Variants in FAM13A observed in about 807,000 individuals in gnomAD.
FAM13A encodes the protein protein FAM13A.
In FAM13A, 76 loss-of-function variants were observed where a neutral mutation model predicts 129.6. The ratio of observed to expected loss-of-function variants is 0.59; its 90% CI spans 0.49 to 0.71. FAM13A has a LOEUF of 0.71. Ranked by LOEUF, FAM13A falls within the 30% of genes least tolerant of loss-of-function variation. The pLI is 0.00. For synonymous variants in FAM13A, 443 were observed against 449.9 expected, an observed-to-expected ratio of 0.98 and a Z score of 0.20; for missense variants, 1,108 against 1,249.3, an observed-to-expected ratio of 0.89 and a Z score of 1.70.
chr4:88,910,057 T>C (rs1748831648), intron 5 of FAM13A, among the ~76,000 whole-genome samples: 1 of 152,316 alleles, frequency 6.6e-6, no homozygotes, highest in African/African-American at 2.4e-5. Flanking sequence ...AAGTGTTAAA[T>C]TGTATGTAGG....
chr4:88,932,381 C>A (rs1579344093), intron 5 of FAM13A, among the ~76,000 whole-genome samples: 1 of 152,102 alleles, frequency 6.6e-6, no homozygotes, highest in African/African-American at 2.4e-5. Context: ...TAGCATAAAG[C>A]CCTATTCTCC....
chr4:88,929,479 T>A (rs1752715109), intron 5 of FAM13A, among the ~76,000 whole-genome samples: 1 of 141,288 alleles, frequency 7.1e-6, no homozygotes, highest in Non-Finnish European at 1.6e-5. Flanking sequence ...TCCTTAGATT[T>A]TCTAAACTTT....
At chr4:88,781,835 T>A (rs1213424465) in intron 10 of FAM13A, among the ~76,000 whole-genome samples, 7 of 149,732 alleles carry the variant, frequency 4.7e-5, no homozygotes, top group Non-Finnish European at 7.4e-5. Context: ...GTCCGGAGAC[T>A]GTTGTGGGGT....
At chr4:88,746,815 C>T (rs1341335068) in intron 19 of FAM13A, 117 bp downstream of exon 19, 1 of 704,104 alleles carries the variant, frequency 1.4e-6, no homozygotes, top group African/African-American at 1.8e-5. Context: ...CCTCCTTTAT[C>T]CTAAAAGTAA....
intron 7 of FAM13A, among the ~76,000 whole-genome samples, chr4:88,809,702 CAT>C (rs1321021804): frequency 2.6e-5 from 4 of 152,004 alleles, no homozygotes; most frequent in Non-Finnish European, 5.9e-5. Flanking sequence ...GTTCTCAAAA[CAT>C]AAAGTGCAAC....
At chr4:88,750,692 T>A in intron 14 of FAM13A, 55 bp from the exon 15 acceptor site, 6 of 1,362,592 alleles carry the variant, frequency 4.4e-6, no homozygotes, top group Non-Finnish European at 6.2e-6. Context: ...TCAGGGTTGT[T>A]CTTTAAAACA....
intron 7 of FAM13A, chr4:88,822,831 T>C (rs1326026315): frequency 9.0e-7 from 1 of 1,113,096 alleles, no homozygotes; most frequent in Non-Finnish European, 1.2e-6. Context: ...TAATTTTTTC[T>C]GTTCTTAGGG....
chr4:88,747,431 G>A (rs1303847658), intron 18 of FAM13A, among the ~76,000 whole-genome samples, 200 bp downstream of exon 18: 2 of 152,174 alleles, frequency 1.3e-5, no homozygotes, highest in African/African-American at 4.8e-5. Flanking sequence ...ATAGAGTTTT[G>A]TTTTCAATCT....
chr4:89,047,002 G>A (rs1474971321), intron 1 of FAM13A, among the ~76,000 whole-genome samples: 1 of 152,138 alleles, frequency 6.6e-6, no homozygotes, highest in Non-Finnish European at 1.5e-5. Flanking sequence ...TTTCTGGAAG[G>A]CAATTTGGCA....
intron 21 of FAM13A, among the ~76,000 whole-genome samples, chr4:88,736,936 G>A (rs771123658): frequency 6.6e-5 from 10 of 152,084 alleles, no homozygotes; most frequent in Admixed American, 1.3e-4. Context: ...GAAAAAAGCC[G>A]GAAATACTGC....
intron 3 of FAM13A, among the ~76,000 whole-genome samples, chr4:89,017,808 T>C (rs1160902349): frequency 1.3e-5 from 2 of 152,170 alleles, no homozygotes; most frequent in African/African-American, 4.8e-5. Flanking sequence ...GGAATGGTTA[T>C]CTTCATACAT....
intron 8 of FAM13A, among the ~76,000 whole-genome samples, chr4:88,804,607 A>G (rs985223118): frequency 6.6e-6 from 1 of 152,196 alleles, no homozygotes; most frequent in Non-Finnish European, 1.5e-5. Flanking sequence ...CTTCTCCGCT[A>G]TGACATAGAA....
intron 7 of FAM13A, among the ~76,000 whole-genome samples, chr4:88,816,030 T>C (rs1402400155): frequency 6.6e-6 from 1 of 151,856 alleles, no homozygotes; most frequent in Non-Finnish European, 1.5e-5. Context: ...TGAATAAATC[T>C]TTATCTTAAA....
intron 4 of FAM13A, among the ~76,000 whole-genome samples, chr4:88,962,882 G>A (rs186801977): frequency 1.7e-3 from 262 of 152,216 alleles, no homozygotes; most frequent in Non-Finnish European, 3.1e-3. Context: ...AAAGATTAAC[G>A]TTAGTTGACA....
At chr4:89,003,970 T>C (rs1343456870) in intron 3 of FAM13A, among the ~76,000 whole-genome samples, 2 of 152,178 alleles carry the variant, frequency 1.3e-5, no homozygotes, top group African/African-American at 2.4e-5. Context: ...CCAAAGGGTA[T>C]GGTAGGGATC....
chr4:88,962,217 A>C (rs1467963290), intron 4 of FAM13A, among the ~76,000 whole-genome samples: 1 of 152,196 alleles, frequency 6.6e-6, no homozygotes, highest in Non-Finnish European at 1.5e-5. Flanking sequence ...TCTCCTTTTA[A>C]TAGATTTCAA....
intron 6 of FAM13A, among the ~76,000 whole-genome samples, chr4:88,875,210 C>T (rs182121202): frequency 6.6e-5 from 10 of 152,168 alleles, no homozygotes; most frequent in African/African-American, 1.2e-4. Context: ...CTAGGCAATA[C>T]CATTCAGGAC....
At chr4:88,949,283 C>T (rs1022441463) in intron 4 of FAM13A, among the ~76,000 whole-genome samples, 10 of 152,148 alleles carry the variant, frequency 6.6e-5, no homozygotes, top group Non-Finnish European at 1.2e-4. Flanking sequence ...ACCCTTACAA[C>T]GATTGTTCAC....
In FAM13A at chr4:89,026,582, G is replaced by C. The variant is rs534097217; in HGVS notation, c.217+2878C>G. ...ACTTACAATCATGGCAGAAGGCAAA[G>C]GGAAAGCGAGGCACCTTCTTCACAA... On this transcript the variant is annotated intron_variant, in intron 2 of 23. Transcript: ENST00000264344. 1.2e-4 allele frequency among the ~76,000 whole-genome samples: 19 copies of C among 152,212 alleles called. 1 individual carries two copies. The highest frequency in any genetic ancestry group is 6.5e-5 in the Admixed American group (1 of 15,288).
Sources: gnomAD v4.1 joint callset for allele counts (sites outside exome capture counted in the v4.1 genomes callset) on GRCh38, gnomAD v4.1.1 for gene constraint, MANE v1.5 for transcripts, NCBI Gene and HGNC (gene_info 2026-07-23, HGNC 2026-07-21) for gene names.